The following PPM1D variants were observed in gnomAD, a reference collection of about 807,000 sequenced individuals.
PPM1D encodes the protein protein phosphatase, Mg2+/Mn2+ dependent 1D, also known as protein phosphatase 1D.
PPM1D carries 52 observed loss-of-function variants against 58.3 expected under a neutral mutation model. The ratio of observed to expected loss-of-function variants is 0.89; its 90% CI spans 0.71 to 1.12. The LOEUF (loss-of-function observed/expected upper bound fraction) is 1.12, where lower values mean the gene tolerates loss of function less well. PPM1D is among the 50% of genes most tolerant of loss of function. The pLI is 0.00. For missense variants in PPM1D, 564 were observed against 777.2 expected (o/e 0.73, Z 3.26); for synonymous variants, 278 against 285.1 (o/e 0.98, Z 0.25).
chr17:60,639,578 C>T (rs1431583486), intron 3 of PPM1D, among the ~76,000 whole-genome samples: 2 of 152,160 alleles, frequency 1.3e-5, no homozygotes, highest in Non-Finnish European at 2.9e-5. Flanking sequence ...GCTAGGACTA[C>T]AGGCGCACGC....
chr17:60,612,110 T>G (rs2143632735), intron 1 of PPM1D, among the ~76,000 whole-genome samples: 1 of 152,218 alleles, frequency 6.6e-6, no homozygotes, highest in African/African-American at 2.4e-5. Context: ...TAAAGTATAC[T>G]CTGATAATTT....
At chr17:60,662,258 A>C (rs545682967) in intron 5 of PPM1D, 1 of 152,094 alleles carries the variant, frequency 6.6e-6, no homozygotes, top group Admixed American at 6.6e-5. Flanking sequence ...CGACCTCCCA[A>C]AGTGCTGGGA....
At chr17:60,611,892 G>A (rs926477379) in intron 1 of PPM1D, among the ~76,000 whole-genome samples, 4 of 152,004 alleles carry the variant, frequency 2.6e-5, no homozygotes, top group East Asian at 1.9e-4. Context: ...AGATGCTATT[G>A]TGTTCTCTTC....
intron 2 of PPM1D, among the ~76,000 whole-genome samples, chr17:60,631,596 G>A (rs1213580094): frequency 6.6e-6 from 1 of 151,416 alleles, no homozygotes; most frequent in Admixed American, 6.6e-5. Flanking sequence ...AACAGAGCGA[G>A]ACTGTCTCCA....
intron 3 of PPM1D, among the ~76,000 whole-genome samples, chr17:60,638,988 A>C (rs2031079997): frequency 1.3e-5 from 2 of 152,140 alleles, no homozygotes; most frequent in African/African-American, 4.8e-5. Flanking sequence ...CTGGGGAGAT[A>C]ATTTTTGAGT....
chr17:60,613,855 G>A (rs1255362350), intron 1 of PPM1D, among the ~76,000 whole-genome samples: 1 of 152,056 alleles, frequency 6.6e-6, no homozygotes, highest in Non-Finnish European at 1.5e-5. Flanking sequence ...TCCCCATGAG[G>A]CAGGGCTTGG....
chr17:60,609,275 A>T (rs1285370141), intron 1 of PPM1D, among the ~76,000 whole-genome samples: 1 of 151,004 alleles, frequency 6.6e-6, no homozygotes. Context: ...TTGTATTTTT[A>T]GTAGAGATGG....
At chr17:60,619,493 T>G (rs1486149510) in intron 1 of PPM1D, among the ~76,000 whole-genome samples, 1 of 152,236 alleles carries the variant, frequency 6.6e-6, no homozygotes, top group Admixed American at 6.5e-5. Flanking sequence ...CAATTTACAT[T>G]TCTATCAGCA....
At chr17:60,604,991 G>A (rs1472776979) in intron 1 of PPM1D, among the ~76,000 whole-genome samples, 4 of 150,276 alleles carry the variant, frequency 2.7e-5, no homozygotes, top group Non-Finnish European at 5.9e-5. Flanking sequence ...GCTAATTTTT[G>A]TATTTTTTTT....
chr17:60,607,428 A>T (rs2030354261), intron 1 of PPM1D, among the ~76,000 whole-genome samples: 2 of 152,076 alleles, frequency 1.3e-5, no homozygotes, highest in African/African-American at 4.8e-5. Context: ...GATTACACGC[A>T]TGTGCCACCA....
rs1415775235 is a variant in PPM1D at position 60,626,442 on chromosome 17, T to A, written c.701+2693T>A. 2.0e-5 allele frequency among the ~76,000 whole-genome samples: 3 copies of A among 151,832 alleles called. No individual in the cohort carries two copies. The East Asian group carries it at 5.8e-4, about 29-fold the overall frequency. On this transcript the variant is annotated intron_variant, in intron 2 of 5. Coordinates refer to ENST00000305921, the MANE Select transcript of PPM1D (RefSeq NM_003620.4). ...CGGAGTCTGGCTCTTTCGCCCAGGC[T>A]GGAGTGCAGTGGCGCGATCTCGGCT...
At chr17:60,627,708 A>G (rs933527994) in intron 2 of PPM1D, among the ~76,000 whole-genome samples, 3 of 149,944 alleles carry the variant, frequency 2.0e-5, no homozygotes, top group African/African-American at 7.4e-5. Context: ...GTGTGAGCCA[A>G]TTCGCCTGAC....
At chr17:60,655,443 G>C (rs1294957717) in intron 4 of PPM1D, among the ~76,000 whole-genome samples, 3 of 152,216 alleles carry the variant, frequency 2.0e-5, no homozygotes. Context: ...CCGCCTCCCA[G>C]GTTCAAGCAA....
intron 2 of PPM1D, among the ~76,000 whole-genome samples, chr17:60,626,734 A>C (rs1455040998): frequency 2.6e-5 from 4 of 151,982 alleles, no homozygotes; most frequent in Non-Finnish European, 5.9e-5. Context: ...AATAGAAATG[A>C]GGTCTTACCA....
intron 1 of PPM1D, among the ~76,000 whole-genome samples, chr17:60,603,691 G>A (rs1411876242): frequency 5.3e-5 from 8 of 152,152 alleles, no homozygotes; most frequent in African/African-American, 1.9e-4. Context: ...TTGAACCCGC[G>A]AGGCGGAGGT....
At chr17:60,628,278 C>T (rs909803291) in intron 2 of PPM1D, among the ~76,000 whole-genome samples, 7 of 152,068 alleles carry the variant, frequency 4.6e-5, no homozygotes, top group African/African-American at 1.7e-4. Context: ...TTTGGCCTAC[C>T]CCCCGTCTCC....
intron 1 of PPM1D, among the ~76,000 whole-genome samples, chr17:60,618,110 C>T (rs1470780055): frequency 2.6e-5 from 4 of 152,186 alleles, no homozygotes; most frequent in Non-Finnish European, 5.9e-5. Context: ...TGTCCATTTT[C>T]ATGTTGAACA....
intron 2 of PPM1D, 31 bp downstream of exon 2, chr17:60,623,780 T>G: frequency 6.3e-7 from 1 of 1,598,972 alleles, no homozygotes; most frequent in Non-Finnish European, 8.6e-7. Context: ...CTTTCCTCTT[T>G]TGGTTCTATT....
intron 1 of PPM1D, among the ~76,000 whole-genome samples, chr17:60,618,331 A>G (rs1401125004): frequency 6.6e-6 from 1 of 152,218 alleles, no homozygotes; most frequent in East Asian, 1.9e-4. Context: ...GAGGTAGTCA[A>G]AGAGTATACA....
Sources: allele counts gnomAD v4.1 joint callset (sites outside exome capture counted in the v4.1 genomes callset), GRCh38; gene constraint gnomAD v4.1.1; transcripts MANE v1.5; gene names NCBI Gene and HGNC (gene_info 2026-07-23, HGNC 2026-07-21).